The following PHACTR3 variants were observed in gnomAD, a reference collection of about 807,000 sequenced individuals.
PHACTR3 encodes the protein phosphatase and actin regulator 3, also known as protein phosphatase 1, regulatory subunit 123.
A neutral mutation model predicts 66.8 loss-of-function variants in PHACTR3; 16 were observed. That is an observed-to-expected ratio of 0.24 (90% CI 0.16 to 0.36). The LOEUF is 0.36. PHACTR3 is among the 10% of genes least tolerant of loss of function. The pLI is 1.00. For synonymous variants in PHACTR3, 323 were observed against 292.1 expected (o/e 1.11, Z -1.08); for missense variants, 647 against 719.9 (o/e 0.90, Z 1.16).
chr20:59,586,178 C>T (rs992950071), intron 1 of PHACTR3, among the ~76,000 whole-genome samples: 7 of 152,176 alleles, frequency 4.6e-5, no homozygotes, highest in South Asian at 2.1e-4. Flanking sequence ...TCCTGGAGGC[C>T]GGCACAGACT....
intron 7 of PHACTR3, among the ~76,000 whole-genome samples, chr20:59,788,483 C>T (rs1344070359): frequency 6.6e-6 from 1 of 152,106 alleles, no homozygotes; most frequent in Non-Finnish European, 1.5e-5. Context: ...TCCCAGGACA[C>T]CATCCCTGCC....
At chr20:59,653,550 G>A (rs2035525921) in intron 1 of PHACTR3, among the ~76,000 whole-genome samples, 1 of 151,986 alleles carries the variant, frequency 6.6e-6, no homozygotes, top group African/African-American at 2.4e-5. Flanking sequence ...ATAGTGGGGT[G>A]GAATTTAAGG....
chr20:59,758,908 T>C (rs1003533467), intron 4 of PHACTR3, among the ~76,000 whole-genome samples: 1 of 151,980 alleles, frequency 6.6e-6, no homozygotes. Context: ...AATTAAGTGA[T>C]CCCCAGGAAA....
Position 59,773,322 on chromosome 20 carries a change from C to T in PHACTR3, c.795C>T (p.Asp265=). ...AAGCCTCCAGCATGAAGAGTGCCGA[C>T]CCTTCCCTCCGGGGCCAGCTCTCCA... ...LFQASSMKSA[D]PSLRGQLSTP... Residue 265 remains aspartate (D), a synonymous_variant, in exon 6 of 13, where the codon GAC becomes GAT. Transcript: ENST00000371015. The T allele has an allele frequency of 6.2e-7, 1 of 1,614,184 alleles. No individual in the cohort carries two copies. The highest frequency in any genetic ancestry group is 8.5e-7 in the Non-Finnish European group (1 of 1,180,016).
chr20:59,758,668 A>G (rs1182482), intron 4 of PHACTR3, among the ~76,000 whole-genome samples: 95,932 of 152,044 alleles, frequency 0.63, 32,671 homozygotes, highest in Non-Finnish European at 0.76. Flanking sequence ...GCCCCCGGAG[A>G]TCTCACGCCC....
intron 8 of PHACTR3, among the ~76,000 whole-genome samples, chr20:59,831,797 G>C (rs1304525737): frequency 6.6e-6 from 1 of 152,230 alleles, no homozygotes; most frequent in Non-Finnish European, 1.5e-5. Context: ...GTGAGGGAGA[G>C]GAACCGGCGC....
chr20:59,796,737 A>G (rs1219524448), intron 7 of PHACTR3, among the ~76,000 whole-genome samples: 1 of 152,148 alleles, frequency 6.6e-6, no homozygotes, highest in Non-Finnish European at 1.5e-5. Context: ...GGATTCCCCT[A>G]TATGTGACTT....
In PHACTR3 at chr20:59,613,024, C is replaced by G. The variant is rs960489301; in HGVS notation, c.118+7892C>G. Among the ~76,000 whole-genome samples, 28 of 152,194 alleles carry G rather than the reference C, an allele frequency of 1.8e-4. No homozygotes were observed. The East Asian group carries it at 5.4e-3, about 29-fold the overall frequency. On this transcript the variant is annotated intron_variant, in intron 1 of 12. Transcript: ENST00000371015. ...ATCAGAACGAGAACTCCCTCAGCAC[C>G]AAGCCATTCATGAGGAATCCGCCCC...
chr20:59,605,473 C>G (rs1600898431), intron 1 of PHACTR3, among the ~76,000 whole-genome samples: 1 of 152,336 alleles, frequency 6.6e-6, no homozygotes, highest in East Asian at 1.9e-4. Context: ...CGCCCAGCGC[C>G]GGTTCTGGGC....
intron 1 of PHACTR3, among the ~76,000 whole-genome samples, chr20:59,733,368 G>T (rs1224718808): frequency 6.6e-6 from 1 of 152,136 alleles, no homozygotes; most frequent in Non-Finnish European, 1.5e-5. Context: ...CATTCTGGTG[G>T]TCACTCTCTG....
rs138667709 is a variant in PHACTR3, at chr20:59,790,214, C to T, written c.1174+15724C>T. 2.2e-3 allele frequency among the ~76,000 whole-genome samples: 330 copies of T among 152,158 alleles called. 1 individual carries two copies. Among genetic ancestry groups the T allele is most frequent in the African/African-American group, 5.9e-3 (246 of 41,502 alleles). On this transcript the variant is annotated intron_variant, in intron 7 of 12. Coordinates refer to ENST00000371015, the MANE Select transcript of PHACTR3 (RefSeq NM_080672.5). The stretch of plus-strand genomic sequence containing the variant: ...TGAGGGTTTGTTGTACAGATTATTT[C>T]GTCACCCAGGTATTAATCTTAGTAC...
intron 1 of PHACTR3, among the ~76,000 whole-genome samples, chr20:59,579,402 T>C (rs571948128): frequency 6.6e-6 from 1 of 152,338 alleles, no homozygotes; most frequent in African/African-American, 2.4e-5. Context: ...TGAAAATGCT[T>C]CAGGCACTGA....
intron 1 of PHACTR3, among the ~76,000 whole-genome samples, chr20:59,696,711 T>G (rs1431260181): frequency 6.6e-6 from 1 of 152,098 alleles, no homozygotes; most frequent in Non-Finnish European, 1.5e-5. Flanking sequence ...CAGCTGCCCA[T>G]GGAGAACACA....
Position 59,604,807 on chromosome 20 carries a change from G to A in PHACTR3, c.-208G>A. On this transcript the variant is annotated 5_prime_UTR_variant, in exon 1 of 13. Transcript: ENST00000371015. Reference sequence around the variant, plus strand: ...CGCCGGGATGCGCCTGGCTGCAGCCGGCGAGGCTATTGTCTCCCCGCCCTG... The same window carrying A: ...CGCCGGGATGCGCCTGGCTGCAGCCAGCGAGGCTATTGTCTCCCCGCCCTG... The A allele has an allele frequency of 5.0e-6, 6 of 1,207,652 alleles. No individual in the cohort carries two copies. The highest frequency in any genetic ancestry group is 3.1e-6 in the Non-Finnish European group (3 of 974,300). The allele number at this position is 1,207,652 out of a possible 1,614,324, so 74.8% of individuals were successfully genotyped here. A position where few individuals can be genotyped will look rare whatever the true frequency, so the allele number is the denominator to read the frequency against.
rs1253844762 is a variant in PHACTR3 at position 59,587,933 on chromosome 20, C to T, written c.109+10316C>T. ...TCCACTCCTGCCTTCCCCTCTGCTT[C>T]CTGAGTGATTCCATGAGGCCCATCG... On this transcript the variant is annotated intron_variant, in intron 1 of 12. Coordinates refer to the PHACTR3 transcript ENST00000359926. 2.0e-5 allele frequency among the ~76,000 whole-genome samples: 3 copies of T among 152,244 alleles called. No homozygotes were observed. In the East Asian group the frequency reaches 5.8e-4, roughly 29 times the overall value.
At chr20:59,694,555 C>T (rs1488682574) in intron 1 of PHACTR3, among the ~76,000 whole-genome samples, 1 of 151,668 alleles carries the variant, frequency 6.6e-6, no homozygotes, top group Admixed American at 6.6e-5. Context: ...TGGAGGTAAA[C>T]AGTTGGGAAA....
chr20:59,641,020 G>A (rs2035081300), intron 1 of PHACTR3, among the ~76,000 whole-genome samples: 2 of 152,188 alleles, frequency 1.3e-5, no homozygotes, highest in South Asian at 4.2e-4. Flanking sequence ...ATGGGGAGAA[G>A]ATATAGATAG....
chr20:59,718,472 T>TTG (rs2038176320), intron 1 of PHACTR3, among the ~76,000 whole-genome samples: 12 of 152,032 alleles, frequency 7.9e-5, no homozygotes, highest in Admixed American at 7.9e-4. Context: ...CTGGACCATC[T>TTG]ACAAGGGTCA....
intron 1 of PHACTR3, among the ~76,000 whole-genome samples, chr20:59,702,394 C>T (rs2037537991): frequency 6.6e-6 from 1 of 152,140 alleles, no homozygotes; most frequent in Non-Finnish European, 1.5e-5. Context: ...TCTTTTTATT[C>T]AGAAGACTCT....
Sources: gnomAD v4.1 joint callset for allele counts (sites outside exome capture counted in the v4.1 genomes callset) on GRCh38, gnomAD v4.1.1 for gene constraint, MANE v1.5 for transcripts, NCBI Gene and HGNC (gene_info 2026-07-23, HGNC 2026-07-21) for gene names.